ZNF451: variants seen among roughly 807,000 people sequenced by gnomAD.
ZNF451 encodes the protein E3 SUMO-protein ligase ZNF451.
A neutral mutation model predicts 107.1 loss-of-function variants in ZNF451; 80 were observed. The observed-to-expected ratio is 0.75, with a 90% CI of 0.62 to 0.90. The LOEUF is 0.90. Among genes scored for constraint, ZNF451 ranks in the 40% least tolerant of loss-of-function variants. ZNF451 has a pLI of 0.00. For synonymous variants in ZNF451, 362 were observed against 406.5 expected, an observed-to-expected ratio of 0.89 and a Z score of 1.32; for missense variants, 1,107 against 1,236.2, an observed-to-expected ratio of 0.90 and a Z score of 1.57.
At chr6:57,101,249 C>T in intron 3 of ZNF451, 1 of 1,551,108 alleles carries the variant, frequency 6.4e-7, no homozygotes, top group Admixed American at 2.0e-5. Context: ...ACATTACAAT[C>T]TGAAGCGGAG....
At chr6:57,092,070 T>G (rs1030533860) in intron 2 of ZNF451, among the ~76,000 whole-genome samples, 1 of 152,196 alleles carries the variant, frequency 6.6e-6, no homozygotes, top group Non-Finnish European at 1.5e-5. Flanking sequence ...GTATGTTTAA[T>G]AACAGGTTTC....
chr6:57,107,022 CTTCT>C (rs1211661690), intron 3 of ZNF451: 3 of 949,300 alleles, frequency 3.2e-6, no homozygotes, highest in African/African-American at 3.6e-5. Context: ...ATATTTTTTA[CTTCT>C]TTGTCTTTTC....
chr6:57,150,763 A>G lies in ZNF451; in HGVS notation c.2653A>G (p.Met885Val), dbSNP rs776384929. ...ELPDLDYLRT[M>V]THIVFVDFDN... ...TCCAGATTTGGATTACCTGCGAACC[A>G]TGACTCATATAGTCTTTGTAGATTT... Residue 885 changes from methionine to valine, a missense_variant, in exon 11 of 15, where the codon ATG becomes GTG. Around this residue, in one of 5 missense-constraint regions of ZNF451, gnomAD observed 608 missense variants for 649.2 expected, o/e 0.94. Coordinates refer to ENST00000370706, the MANE Select transcript of ZNF451 (RefSeq NM_001031623.3). The G allele has an allele frequency of 6.2e-7, 1 of 1,612,830 alleles. No homozygotes were observed. Among genetic ancestry groups the G allele is most frequent in the Admixed American group, 1.7e-5 (1 of 59,894 alleles).
At position 57,104,192 on chromosome 6, in the gene ZNF451, A is replaced by T. The variant is rs1829739058; in HGVS notation, c.186+5051A>T. ...CTTTCAAACTAAACTCTAGAAGAAT[A>T]TCGATTACCTGAACAGAAACAAAGG... On this transcript the variant is annotated intron_variant, in intron 3 of 14. Transcript: ENST00000370706. The T allele has an allele frequency of 3.0e-6, 3 of 985,314 alleles. No homozygotes were observed. In the African/African-American group the frequency reaches 5.2e-5, roughly 17 times the overall value. The allele number at this position is 985,314 out of a possible 1,614,324, so 61.0% of individuals were successfully genotyped here. A position where few individuals can be genotyped will look rare whatever the true frequency, so the allele number is the denominator to read the frequency against.
At chr6:57,104,892 T>A (rs964291304) in intron 3 of ZNF451, 1 of 985,318 alleles carries the variant, frequency 1.0e-6, no homozygotes, top group African/African-American at 1.7e-5. Flanking sequence ...CAAGTAGTTC[T>A]GAAAGGATTT....
chr6:57,141,708 T>C (rs1831772342), intron 8 of ZNF451, among the ~76,000 whole-genome samples: 1 of 152,212 alleles, frequency 6.6e-6, no homozygotes, highest in African/African-American at 2.4e-5. Flanking sequence ...TGTTATGTTA[T>C]ATCATGATAT....
intron 7 of ZNF451, among the ~76,000 whole-genome samples, chr6:57,139,694 G>A (rs1831656010): frequency 6.6e-6 from 1 of 152,064 alleles, no homozygotes; most frequent in Non-Finnish European, 1.5e-5. Context: ...TCTTAACAAG[G>A]TTTAGAAACT....
At position 57,147,375 on chromosome 6, in the gene ZNF451, C is replaced by A; in HGVS notation, c.1290C>A (p.Thr430=). Residue 430 remains threonine, a synonymous_variant, in exon 10 of 15, where the codon ACC becomes ACA. Transcript: ENST00000370706. ...DQSKFSSLKR[T]MSIKESSSLE... The stretch of plus-strand genomic sequence containing the variant: ...CAAAATTTTCATCACTTAAAAGAAC[C>A]ATGTCTATTAAAGAATCTAGCTCAC... The A allele has an allele frequency of 3.1e-6, 5 of 1,613,980 alleles. No individual in the cohort carries two copies. The highest frequency in any genetic ancestry group is 4.2e-6 in the Non-Finnish European group (5 of 1,179,948).
chr6:57,099,410 A>G (rs921913958), intron 3 of ZNF451: 1 of 711,546 alleles, frequency 1.4e-6, no homozygotes, highest in Non-Finnish European at 2.6e-6. Context: ...TGGAAATGGA[A>G]TAAAAACTGC....
At chr6:57,101,421 C>T (rs1390035072) in intron 3 of ZNF451, 9 of 1,550,584 alleles carry the variant, frequency 5.8e-6, no homozygotes, top group Non-Finnish European at 7.8e-6. Context: ...CCAAGGACAC[C>T]TCTCCTTTCC....
chr6:57,148,250 G>C lies in ZNF451; in HGVS notation c.2165G>C (p.Cys722Ser), dbSNP rs763179362. ...ATAGAGACCAGTAACCAGTTAACTT[G>C]TGGTTGCCGTGAGAGTTACATCTGT... ...PVIETSNQLT[C>S]GCRESYICKV... is the part of the protein sequence containing the mutation. The change falls in exon 10 of 15, where the codon TGT becomes TCT. Residue 722 changes from cysteine to serine, a missense_variant. Cys to Ser is a moderately radical substitution (Grantham distance 112, BLOSUM62 -1). Coordinates refer to ENST00000370706, the MANE Select transcript of ZNF451 (RefSeq NM_001031623.3). 2 of 1,613,822 alleles carry C rather than the reference G, an allele frequency of 1.2e-6. No homozygotes were observed. Among genetic ancestry groups the C allele is most frequent in the Non-Finnish European group, 1.7e-6 (2 of 1,179,936 alleles).
At chr6:57,101,697 T>C in intron 3 of ZNF451, 1 of 1,550,610 alleles carries the variant, frequency 6.4e-7, no homozygotes, top group African/African-American at 1.4e-5. Context: ...TATCTGATGG[T>C]ATGGATGCAG....
chr6:57,159,085 G>GT (rs1160745440), intron 13 of ZNF451: 1 of 985,262 alleles, frequency 1.0e-6, no homozygotes, highest in Non-Finnish European at 1.2e-6. Flanking sequence ...ACTATAGGTT[G>GT]TTTCTTTGGG....
At chr6:57,159,507 T>A in intron 13 of ZNF451, 4 of 402,058 alleles carry the variant, frequency 9.9e-6, no homozygotes, top group Non-Finnish European at 1.3e-5. Flanking sequence ...TTGTAAACTT[T>A]CTTAAAACAT....
intron 5 of ZNF451, 88 bp downstream of exon 5, chr6:57,128,928 G>A: frequency 2.3e-6 from 2 of 876,564 alleles, no homozygotes; most frequent in Non-Finnish European, 3.5e-6. Context: ...TTGCTAATAA[G>A]CATATAAGAT....
In ZNF451 at chr6:57,147,893, G is replaced by A; in HGVS notation, c.1808G>A (p.Arg603Lys). 6.2e-7 allele frequency: 1 copy of A among 1,614,112 alleles called. No homozygotes were observed. The highest frequency in any genetic ancestry group is 8.5e-7 in the Non-Finnish European group (1 of 1,179,980). ...CATTCCCCGGCAAATAGTTCTCCGA[G>A]GGGTAAATGGCAATGCCGGATTTGT... ...IDHSPANSSP[R>K]GKWQCRICED... Residue 603 changes from arginine to lysine, a missense_variant, in exon 10 of 15, where the codon AGG (arginine) becomes AAG (lysine). Around this residue, in one of 5 missense-constraint regions of ZNF451, gnomAD observed 608 missense variants for 649.2 expected, o/e 0.94. Transcript: ENST00000370706.
intron 8 of ZNF451, 60 bp from the exon 9 acceptor site, chr6:57,141,887 GA>G: frequency 6.9e-7 from 1 of 1,443,722 alleles, no homozygotes; most frequent in South Asian, 1.2e-5. Flanking sequence ...CTGAGGGGAG[GA>G]AGGTTGGGTT....
chr6:57,164,864 T>C (rs549467811), intron 14 of ZNF451: 3 of 152,282 alleles, frequency 2.0e-5, no homozygotes, highest in African/African-American at 7.2e-5. Context: ...AGCCACAGAA[T>C]AGAAAAACAA....
At chr6:57,118,945 A>G (rs1830502097) in intron 3 of ZNF451, among the ~76,000 whole-genome samples, 1 of 152,342 alleles carries the variant, frequency 6.6e-6, no homozygotes, top group South Asian at 2.1e-4. Context: ...GCAAGGCTGT[A>G]TGCTGTCCAA....
Sources: allele counts gnomAD v4.1 joint callset (sites outside exome capture counted in the v4.1 genomes callset), GRCh38; gene constraint gnomAD v4.1.1; regional missense constraint gnomAD v4.1.1; transcripts MANE v1.5; gene names NCBI Gene and HGNC (gene_info 2026-07-23, HGNC 2026-07-21).